AGBL3: variants seen among roughly 807,000 people sequenced by gnomAD.
The protein encoded by AGBL3 is cytosolic carboxypeptidase 3.
AGBL3 carries 68 observed loss-of-function variants against 94.5 expected under a neutral mutation model. The ratio of observed to expected loss-of-function variants is 0.72; its 90% CI spans 0.59 to 0.88. The LOEUF (loss-of-function observed/expected upper bound fraction) is 0.88. Ranked by LOEUF, AGBL3 falls within the 40% of genes least tolerant of loss-of-function variation. The pLI is 0.00. For synonymous variants in AGBL3, 354 were observed against 370.7 expected (o/e 0.95, Z 0.52); for missense variants, 934 against 1,103.8 (o/e 0.85, Z 2.18).
intron 12 of AGBL3, among the ~76,000 whole-genome samples, chr7:135,071,493 A>T (rs1259135223): frequency 6.6e-6 from 1 of 152,160 alleles, no homozygotes. Context: ...GACGCATCAC[A>T]CTACCTGACT....
At chr7:135,043,694 C>T (rs184540070) in intron 8 of AGBL3, among the ~76,000 whole-genome samples, 1 of 151,858 alleles carries the variant, frequency 6.6e-6, no homozygotes, top group Non-Finnish European at 1.5e-5. Flanking sequence ...CTCATGTACA[C>T]CCTGTATATA....
At chr7:135,004,904 T>A (rs1434551117) in intron 4 of AGBL3, among the ~76,000 whole-genome samples, 4 of 151,594 alleles carry the variant, frequency 2.6e-5, no homozygotes, top group Non-Finnish European at 5.9e-5. Flanking sequence ...AAATTTTTTT[T>A]ATAAATCGGA....
chr7:135,058,694 C>T (rs1818550640), intron 11 of AGBL3, among the ~76,000 whole-genome samples: 1 of 152,104 alleles, frequency 6.6e-6, no homozygotes, highest in Non-Finnish European at 1.5e-5. Flanking sequence ...TCTTTCCACA[C>T]ATTCAACAAA....
chr7:135,131,449 A>C (rs1014686635), intron 16 of AGBL3, among the ~76,000 whole-genome samples: 8 of 119,766 alleles, frequency 6.7e-5, no homozygotes, highest in Non-Finnish European at 1.5e-4. Context: ...GAAATAAAGG[A>C]AACAAAAATT....
At chr7:135,020,851 T>C (rs1007566178) in intron 5 of AGBL3, among the ~76,000 whole-genome samples, 9 of 142,474 alleles carry the variant, frequency 6.3e-5, no homozygotes, top group Admixed American at 2.3e-4. Context: ...TAGGTGGGAA[T>C]TGAACAATGA....
At chr7:135,009,726 A>C (rs1421126306) in intron 4 of AGBL3, among the ~76,000 whole-genome samples, 1 of 152,224 alleles carries the variant, frequency 6.6e-6, no homozygotes, top group Middle Eastern at 3.2e-3. Context: ...GAAAAGTCTG[A>C]AAGTGGGTAC....
At chr7:135,050,171 G>A (rs1817744118) in intron 11 of AGBL3, among the ~76,000 whole-genome samples, 2 of 151,618 alleles carry the variant, frequency 1.3e-5, no homozygotes, top group Non-Finnish European at 2.9e-5. Context: ...TCAAGATTCT[G>A]CGTTTAATTT....
At chr7:135,046,995 A>G (rs991001080) in intron 11 of AGBL3, among the ~76,000 whole-genome samples, 6 of 151,954 alleles carry the variant, frequency 3.9e-5, no homozygotes, top group African/African-American at 9.7e-5. Flanking sequence ...ACAATATTTT[A>G]TTATTTTTGA....
chr7:135,082,109 A>G (rs1260613847), intron 15 of AGBL3, among the ~76,000 whole-genome samples: 2 of 152,148 alleles, frequency 1.3e-5, no homozygotes, highest in Non-Finnish European at 2.9e-5. Context: ...CTAAATTGCA[A>G]TATAATTCAT....
chr7:135,085,477 T>C (rs548301062), intron 15 of AGBL3, among the ~76,000 whole-genome samples: 1 of 152,242 alleles, frequency 6.6e-6, no homozygotes, highest in East Asian at 1.9e-4. Flanking sequence ...GTTTCATAGT[T>C]TGGGGTCTTA....
chr7:135,041,565 T>G (rs573482599), intron 8 of AGBL3, among the ~76,000 whole-genome samples: 6 of 152,106 alleles, frequency 3.9e-5, no homozygotes, highest in Non-Finnish European at 7.4e-5. Context: ...AACAAAAAAC[T>G]TTCACCTAAC....
chr7:134,987,826 A>G (rs1809667184), intron 1 of AGBL3, 49 bp from the exon 2 acceptor site: 1 of 749,088 alleles, frequency 1.3e-6, no homozygotes, highest in Non-Finnish European at 2.2e-6. Context: ...CATTTAATGT[A>G]GTAAACACCT....
chr7:135,036,580 T>A (rs545091241), intron 7 of AGBL3, among the ~76,000 whole-genome samples: 55 of 152,288 alleles, frequency 3.6e-4, no homozygotes, highest in African/African-American at 1.2e-3. Flanking sequence ...TTCCCCATTC[T>A]TAATAAGCTT....
chr7:135,015,223 A>G (rs1813628490), intron 4 of AGBL3, among the ~76,000 whole-genome samples: 1 of 152,202 alleles, frequency 6.6e-6, no homozygotes, highest in Admixed American at 6.5e-5. Flanking sequence ...TTTCAAGCCA[A>G]AATCTTCTAC....
At position 135,135,263 on chromosome 7, in the gene AGBL3, C is replaced by A; in HGVS notation, c.*2C>A. The A allele has an allele frequency of 6.6e-7, 1 of 1,510,148 alleles. No homozygotes were observed. The highest frequency in any genetic ancestry group is 1.3e-5 in the South Asian group (1 of 77,488). The allele number at this position is 1,510,148 out of a possible 1,614,324, so 93.5% of individuals were successfully genotyped here. A position where few individuals can be genotyped will look rare whatever the true frequency, so the allele number is the denominator to read the frequency against. On this transcript the variant is annotated 3_prime_UTR_variant, in exon 17 of 17. Coordinates refer to ENST00000436302, the MANE Select transcript of AGBL3 (RefSeq NM_178563.4). ...CTGAAGTTCCAAAGGGAGAGTTAAT[C>A]TAGCTTTATACTGCTCTGAGAACTG...
intron 16 of AGBL3, among the ~76,000 whole-genome samples, chr7:135,132,540 T>A (rs1776899348): frequency 6.6e-6 from 1 of 152,168 alleles, no homozygotes; most frequent in South Asian, 2.1e-4. Context: ...TTCTTACCAC[T>A]TGATATAGTT....
At chr7:135,092,462 A>G (rs1424136718) in intron 15 of AGBL3, 1 of 152,050 alleles carries the variant, frequency 6.6e-6, no homozygotes, top group Non-Finnish European at 1.5e-5. Flanking sequence ...TAATCTTTCC[A>G]TTGTTGTTCA....
intron 4 of AGBL3, among the ~76,000 whole-genome samples, chr7:134,995,866 C>CTGG (rs1810946760): frequency 6.6e-6 from 1 of 152,184 alleles, no homozygotes; most frequent in Non-Finnish European, 1.5e-5. Flanking sequence ...GCAAGCTCTG[C>CTGG]TGGTCCTCAA....
At chr7:135,061,321 C>G (rs1342777605) in intron 12 of AGBL3, among the ~76,000 whole-genome samples, 1 of 151,970 alleles carries the variant, frequency 6.6e-6, no homozygotes, top group Non-Finnish European at 1.5e-5. Flanking sequence ...AATATTTTCT[C>G]CCATCCCATT....
Sources: allele counts gnomAD v4.1 joint callset (sites outside exome capture counted in the v4.1 genomes callset), GRCh38; gene constraint gnomAD v4.1.1; transcripts MANE v1.5; gene names NCBI Gene and HGNC (gene_info 2026-07-23, HGNC 2026-07-21).